UBE2E3: variants seen among roughly 807,000 people sequenced by gnomAD.
UBE2E3 encodes the protein ubiquitin-conjugating enzyme E2 E3.
A neutral mutation model predicts 23.6 loss-of-function variants in UBE2E3; 5 were observed. That is an observed-to-expected ratio of 0.21 (90% CI 0.11 to 0.44). The LOEUF (loss-of-function observed/expected upper bound fraction) is 0.44, where lower values mean the gene tolerates loss of function less well. UBE2E3 is among the 20% of genes least tolerant of loss of function. UBE2E3 has a pLI of 0.99. For missense variants in UBE2E3, 81 were observed against 249.8 expected, an observed-to-expected ratio of 0.32 and a Z score of 4.55; for synonymous variants, 78 against 87.5, an observed-to-expected ratio of 0.89 and a Z score of 0.60.
chr2:181,001,108 A>C (rs1432028734), intron 3 of UBE2E3, among the ~76,000 whole-genome samples: 1 of 152,126 alleles, frequency 6.6e-6, no homozygotes, highest in Non-Finnish European at 1.5e-5. Context: ...CATTACTTGG[A>C]CTCTTTCAGA....
intron 3 of UBE2E3, among the ~76,000 whole-genome samples, chr2:181,034,850 A>G (rs1443035935): frequency 6.6e-6 from 1 of 152,194 alleles, no homozygotes; most frequent in Non-Finnish European, 1.5e-5. Flanking sequence ...TGATTTGAGT[A>G]ATAGAAAAAA....
At chr2:181,008,819 CT>C (rs1315524136) in intron 3 of UBE2E3, among the ~76,000 whole-genome samples, 1 of 151,670 alleles carries the variant, frequency 6.6e-6, no homozygotes, top group Non-Finnish European at 1.5e-5. Flanking sequence ...GGTTTAATTT[CT>C]TTAGAGCTAA....
At chr2:181,052,493 C>T (rs994296975) in intron 3 of UBE2E3, among the ~76,000 whole-genome samples, 9 of 151,842 alleles carry the variant, frequency 5.9e-5, no homozygotes, top group African/African-American at 1.2e-4. Flanking sequence ...TAAATATCTT[C>T]GTTAACCCAG....
At chr2:181,022,750 C>A (rs537153172) in intron 3 of UBE2E3, among the ~76,000 whole-genome samples, 17 of 151,016 alleles carry the variant, frequency 1.1e-4, no homozygotes, top group South Asian at 2.1e-4. Context: ...AAAAAAAAAA[C>A]CCCACAGGTT....
At chr2:181,052,012 A>G (rs1240519940) in intron 3 of UBE2E3, among the ~76,000 whole-genome samples, 1 of 151,870 alleles carries the variant, frequency 6.6e-6, no homozygotes, top group Non-Finnish European at 1.5e-5. Context: ...ATTTCCATAT[A>G]GTTTGGCACA....
intron 3 of UBE2E3, among the ~76,000 whole-genome samples, chr2:181,043,396 GT>G (rs1686572864): frequency 6.6e-6 from 1 of 152,128 alleles, no homozygotes; most frequent in Non-Finnish European, 1.5e-5. Context: ...GTTCAAATCT[GT>G]TTCATGCACA....
intron 3 of UBE2E3, among the ~76,000 whole-genome samples, chr2:181,020,604 G>A (rs1003678022): frequency 3.9e-5 from 6 of 152,064 alleles, no homozygotes; most frequent in Admixed American, 6.6e-5. Flanking sequence ...ATACCACTAC[G>A]ACTTTTCCAT....
At chr2:180,985,778 T>G (rs1684445897) in intron 3 of UBE2E3, among the ~76,000 whole-genome samples, 1 of 152,158 alleles carries the variant, frequency 6.6e-6, no homozygotes. Flanking sequence ...TAAAATTGCA[T>G]GTAGGGTCAA....
chr2:181,033,387 C>G (rs1399881398), intron 3 of UBE2E3, among the ~76,000 whole-genome samples: 1 of 152,120 alleles, frequency 6.6e-6, no homozygotes, highest in African/African-American at 2.4e-5. Context: ...ACATCTACAA[C>G]TATCTGATCT....
chr2:180,990,244 G>T (rs900934027), intron 3 of UBE2E3, among the ~76,000 whole-genome samples: 3 of 152,118 alleles, frequency 2.0e-5, no homozygotes, highest in Non-Finnish European at 2.9e-5. Flanking sequence ...AGGAGAAGGG[G>T]GCTACCACTG....
At chr2:181,024,297 T>C (rs1196379053) in intron 3 of UBE2E3, among the ~76,000 whole-genome samples, 2 of 152,096 alleles carry the variant, frequency 1.3e-5, no homozygotes, top group Non-Finnish European at 1.5e-5. Flanking sequence ...TGAATTAATG[T>C]TAAAACCAGA....
chr2:181,034,333 A>T (rs1271019657), intron 3 of UBE2E3, among the ~76,000 whole-genome samples: 1 of 152,220 alleles, frequency 6.6e-6, no homozygotes, highest in Non-Finnish European at 1.5e-5. Context: ...TACACCATGG[A>T]ATACTGTGCA....
chr2:181,020,453 C>G (rs1374947894), intron 3 of UBE2E3, among the ~76,000 whole-genome samples: 1 of 152,142 alleles, frequency 6.6e-6, no homozygotes, highest in Non-Finnish European at 1.5e-5. Context: ...TTTTGAGATA[C>G]TGGGGGTTAG....
At chr2:181,056,648 G>C (rs570681378) in intron 3 of UBE2E3, among the ~76,000 whole-genome samples, 1 of 151,720 alleles carries the variant, frequency 6.6e-6, no homozygotes, top group Non-Finnish European at 1.5e-5. Flanking sequence ...CAACATTGCC[G>C]CGTTTGGGGG....
chr2:181,003,033 T>G (rs1349873484), intron 3 of UBE2E3, among the ~76,000 whole-genome samples: 2 of 152,260 alleles, frequency 1.3e-5, no homozygotes, highest in African/African-American at 4.8e-5. Flanking sequence ...GTTGTTGGTA[T>G]CTTATGTAGT....
At chr2:181,038,911 TAAA>T (rs944801749) in intron 3 of UBE2E3, among the ~76,000 whole-genome samples, 1 of 152,186 alleles carries the variant, frequency 6.6e-6, no homozygotes, top group Admixed American at 6.5e-5. Context: ...AAAATAATTA[TAAA>T]AAAACAGGAT....
intron 3 of UBE2E3, among the ~76,000 whole-genome samples, chr2:181,023,045 C>T (rs1685758030): frequency 6.6e-6 from 1 of 152,226 alleles, no homozygotes; most frequent in Non-Finnish European, 1.5e-5. Flanking sequence ...AAGCAATATA[C>T]ATTTAGTAGA....
At chr2:181,016,139 C>T (rs1451382601) in intron 3 of UBE2E3, among the ~76,000 whole-genome samples, 1 of 152,054 alleles carries the variant, frequency 6.6e-6, no homozygotes, top group Non-Finnish European at 1.5e-5. Context: ...GGCCCGGTTT[C>T]AAATAACTGA....
chr2:181,027,327 C>A (rs1402472697), intron 3 of UBE2E3, among the ~76,000 whole-genome samples: 1 of 151,808 alleles, frequency 6.6e-6, no homozygotes, highest in Non-Finnish European at 1.5e-5. Context: ...TTTTGCTTTT[C>A]TGTATAAGAG....
Sources: gnomAD v4.1 joint callset for allele counts (sites outside exome capture counted in the v4.1 genomes callset) on GRCh38, gnomAD v4.1.1 for gene constraint, MANE v1.5 for transcripts, NCBI Gene and HGNC (gene_info 2026-07-23, HGNC 2026-07-21) for gene names.